TRIM2: variants seen among roughly 807,000 people sequenced by gnomAD.
TRIM2 encodes the protein tripartite motif containing 2.
A neutral mutation model predicts 75.2 loss-of-function variants in TRIM2; 20 were observed. The observed-to-expected ratio is 0.27, with a 90% CI of 0.19 to 0.39. The LOEUF (loss-of-function observed/expected upper bound fraction) is 0.39. Ranked by LOEUF, TRIM2 falls within the 10% of genes least tolerant of loss-of-function variation. TRIM2 has a pLI of 1.00. For missense variants in TRIM2, 660 were observed against 990.8 expected, an observed-to-expected ratio of 0.67 and a Z score of 4.48; for synonymous variants, 373 against 388.3, an observed-to-expected ratio of 0.96 and a Z score of 0.46.
rs144091921 is a variant in TRIM2, at chr4:153,334,667, C to T, written c.2164-147C>T. 1.2e-3 allele frequency: 873 copies of T among 719,974 alleles called. 7 individuals carry two copies. The African/African-American group carries it at 0.014, about 11-fold the overall frequency. The allele number at this position is 719,974 out of a possible 1,614,324, so 44.6% of individuals were successfully genotyped here. ...GTTACAGTAAGCTGTCTTCACACCA[C>T]GGCACACCAGCCTGGGTGTCAGAGT... is the stretch of plus-strand genomic sequence containing the variant. On this transcript the variant is annotated intron_variant, in intron 11 of 11. Coordinates refer to ENST00000338700, the MANE Select transcript of TRIM2 (RefSeq NM_015271.5).
At chr4:153,294,553 C>T in intron 5 of TRIM2, 68 bp downstream of exon 5, 1 of 1,511,216 alleles carries the variant, frequency 6.6e-7, no homozygotes, top group Non-Finnish European at 9.0e-7. Context: ...CTTATTGTTT[C>T]CTAATAGCAA....
intron 1 of TRIM2, among the ~76,000 whole-genome samples, chr4:153,217,259 T>C (rs1738732986): frequency 6.6e-6 from 1 of 152,108 alleles, no homozygotes; most frequent in South Asian, 2.1e-4. Flanking sequence ...TCTGTACATG[T>C]ACAGATAACC....
intron 1 of TRIM2, chr4:153,265,849 C>T (rs899321420): frequency 2.0e-5 from 3 of 152,154 alleles, no homozygotes; most frequent in Non-Finnish European, 4.4e-5. Flanking sequence ...TGAAATCTGA[C>T]CTTTCTGATT....
intron 1 of TRIM2, among the ~76,000 whole-genome samples, chr4:153,239,834 CTT>C (rs372940429): frequency 9.3e-5 from 11 of 117,654 alleles, no homozygotes; most frequent in Middle Eastern, 4.6e-3. Flanking sequence ...CTTTCTTTCT[CTT>C]TTTTTTTTTT....
chr4:153,333,154 A>G (rs1036601515), intron 11 of TRIM2, among the ~76,000 whole-genome samples: 5 of 152,228 alleles, frequency 3.3e-5, no homozygotes, highest in South Asian at 4.1e-4. Context: ...GAACAGACTA[A>G]TGATACACTC....
chr4:153,283,256 T>C (rs1759769657), intron 3 of TRIM2, among the ~76,000 whole-genome samples: 1 of 152,230 alleles, frequency 6.6e-6, no homozygotes, highest in African/African-American at 2.4e-5. Context: ...ACCATCAGCC[T>C]GCATTCTGTC....
chr4:153,290,236 G>C lies in TRIM2; in HGVS notation c.454-2746G>C, dbSNP rs1390955805. Among the ~76,000 whole-genome samples the C allele has an allele frequency of 2.6e-5, 4 of 152,200 alleles. 1 individual carries two copies. The East Asian group carries it at 7.7e-4, about 29-fold the overall frequency. On this transcript the variant is annotated intron_variant, in intron 3 of 11. Transcript: ENST00000338700. ...CCTTCTGCCAGCCCTTTGAAAAACA[G>C]GAAACTTCTTGGATTAAGAATTTTT... is the stretch of plus-strand genomic sequence containing the variant.
chr4:153,251,417 G>T (rs1356284636), intron 1 of TRIM2, among the ~76,000 whole-genome samples: 1 of 152,240 alleles, frequency 6.6e-6, no homozygotes, highest in African/African-American at 2.4e-5. Context: ...AGTTGCTCAT[G>T]ACTGAACTGA....
At chr4:153,292,825 G>A (rs140249303) in intron 3 of TRIM2, among the ~76,000 whole-genome samples, 157 bp from the exon 4 acceptor site, 2 of 152,200 alleles carry the variant, frequency 1.3e-5, no homozygotes, top group South Asian at 2.1e-4. Context: ...ACATAAAAAT[G>A]TGTCCTTCCT....
Position 153,294,402 on chromosome 4 carries a change from T to C in TRIM2, c.703T>C (p.Phe235Leu). 6.2e-7 allele frequency: 1 copy of C among 1,614,166 alleles called. No homozygotes were observed. The highest frequency in any genetic ancestry group is 8.5e-7 in the Non-Finnish European group (1 of 1,180,020). The change falls in exon 5 of 12, where the codon TTT becomes CTT. Residue 235 changes from phenylalanine (F) to leucine (L), a missense_variant. Coordinates refer to ENST00000338700, the MANE Select transcript of TRIM2 (RefSeq NM_015271.5). ...CATCGTGGATGACATTCATTCCACC[T>C]TTGATGAGCTCCAGAAGACTTTAAA... ...ASIVDDIHSTFDELQKTLNVR... is the reference protein window; with the variant it reads ...ASIVDDIHSTLDELQKTLNVR...
chr4:153,189,047 G>C (rs2149654800), intron 1 of TRIM2, among the ~76,000 whole-genome samples: 1 of 152,096 alleles, frequency 6.6e-6, no homozygotes, highest in South Asian at 2.1e-4. Flanking sequence ...AAATAGAGAT[G>C]GGGCTGTTGT....
At chr4:153,200,181 T>C (rs1294726994), upstream of TRIM2, among the ~76,000 whole-genome samples, 1 of 152,144 alleles carries the variant, frequency 6.6e-6, no homozygotes, top group Non-Finnish European at 1.5e-5. Context: ...CCTCAAGTGA[T>C]CGGCCTCCCA....
intron 1 of TRIM2, among the ~76,000 whole-genome samples, chr4:153,195,547 G>A (rs925470674): frequency 3.9e-5 from 6 of 152,104 alleles, no homozygotes; most frequent in African/African-American, 1.2e-4. Flanking sequence ...AGAATTGCTG[G>A]CAGCCACCAA....
At chr4:153,195,851 G>A (rs561567355) in intron 1 of TRIM2, among the ~76,000 whole-genome samples, 4 of 151,732 alleles carry the variant, frequency 2.6e-5, no homozygotes, top group South Asian at 2.1e-4. Context: ...TTGCTTTGTC[G>A]CCCAGGCTGG....
upstream of TRIM2, among the ~76,000 whole-genome samples, chr4:153,200,722 A>G (rs1271102143): frequency 8.1e-6 from 1 of 123,188 alleles, no homozygotes; most frequent in African/African-American, 3.9e-5. Flanking sequence ...GTAAGAAAAA[A>G]AAATATATAT....
chr4:153,207,830 G>A (rs1462224390), intron 1 of TRIM2, among the ~76,000 whole-genome samples: 1 of 152,176 alleles, frequency 6.6e-6, no homozygotes, highest in Non-Finnish European at 1.5e-5. Context: ...GATCTTCAAA[G>A]TCCATTCTAG....
chr4:153,244,159 CTT>C (rs1747550450), intron 1 of TRIM2, among the ~76,000 whole-genome samples: 1 of 144,296 alleles, frequency 6.9e-6, no homozygotes, highest in African/African-American at 2.7e-5. Context: ...TCTTGTTCTT[CTT>C]CTTCTTCTTC....
At chr4:153,214,630 A>G (rs1253605652) in intron 1 of TRIM2, among the ~76,000 whole-genome samples, 5 of 152,232 alleles carry the variant, frequency 3.3e-5, no homozygotes, top group Non-Finnish European at 7.3e-5. Flanking sequence ...TTTATGTTGC[A>G]CTTTTGACTG....
At chr4:153,166,996 T>C (rs970979994) in intron 1 of TRIM2, among the ~76,000 whole-genome samples, 2 of 152,238 alleles carry the variant, frequency 1.3e-5, no homozygotes, top group African/African-American at 2.4e-5. Flanking sequence ...ACCACAGGGC[T>C]GTCAGGGTGT....
Sources: gnomAD v4.1 joint callset for allele counts (sites outside exome capture counted in the v4.1 genomes callset) on GRCh38, gnomAD v4.1.1 for gene constraint, MANE v1.5 for transcripts, NCBI Gene and HGNC (gene_info 2026-07-23, HGNC 2026-07-21) for gene names.